Variants in TENM2 observed in about 807,000 individuals in gnomAD.
TENM2 encodes teneurin transmembrane protein 2.
TENM2 carries 52 observed loss-of-function variants against 245.2 expected under a neutral mutation model. The observed-to-expected ratio is 0.21, with a 90% CI of 0.17 to 0.27. The LOEUF is 0.27. TENM2 is among the 10% of genes least tolerant of loss of function. TENM2 has a pLI of 1.00. For synonymous variants in TENM2, 1,363 were observed against 1,438.9 expected, an observed-to-expected ratio of 0.95 and a Z score of 1.19; for missense variants, 3,046 against 3,666.8, an observed-to-expected ratio of 0.83 and a Z score of 4.37.
At chr5:167,788,636 A>G (rs576224585) in intron 2 of TENM2, among the ~76,000 whole-genome samples, 60 of 152,314 alleles carry the variant, frequency 3.9e-4, no homozygotes, top group African/African-American at 1.3e-3. Flanking sequence ...TTTCTTATAG[A>G]TCATGTATTA....
chr5:167,585,085 A>G (rs1256570125), intron 2 of TENM2, among the ~76,000 whole-genome samples: 2 of 152,164 alleles, frequency 1.3e-5, no homozygotes, highest in Non-Finnish European at 2.9e-5. Flanking sequence ...AAGACCACAA[A>G]TCATTAACCT....
chr5:167,753,260 T>A (rs991946833), intron 2 of TENM2, among the ~76,000 whole-genome samples: 1 of 152,180 alleles, frequency 6.6e-6, no homozygotes, highest in Non-Finnish European at 1.5e-5. Context: ...AGGGTTGGTC[T>A]GAAGGAGATT....
intron 5 of TENM2, among the ~76,000 whole-genome samples, chr5:168,020,984 A>G (rs1786092609): frequency 6.6e-6 from 1 of 152,240 alleles, no homozygotes; most frequent in Non-Finnish European, 1.5e-5. Flanking sequence ...TTCAACTTTT[A>G]TATGCTCAGA....
intron 4 of TENM2, among the ~76,000 whole-genome samples, chr5:167,969,345 C>T (rs989618946): frequency 6.6e-6 from 1 of 152,178 alleles, no homozygotes; most frequent in Non-Finnish European, 1.5e-5. Context: ...TACACAAGCA[C>T]TCTCTTTGCC....
At chr5:167,968,932 C>G (rs753475842) in intron 4 of TENM2, among the ~76,000 whole-genome samples, 4 of 152,150 alleles carry the variant, frequency 2.6e-5, no homozygotes, top group Non-Finnish European at 5.9e-5. Flanking sequence ...TGTTCTTGTA[C>G]TCAGTCATCT....
intron 4 of TENM2, among the ~76,000 whole-genome samples, chr5:167,989,697 G>A (rs1247456196): frequency 6.6e-6 from 1 of 152,122 alleles, no homozygotes; most frequent in East Asian, 1.9e-4. Context: ...CGGGGTTGGT[G>A]GGTAAGGTTT....
At chr5:167,958,733 T>C (rs1368571290) in intron 4 of TENM2, among the ~76,000 whole-genome samples, 1 of 152,226 alleles carries the variant, frequency 6.6e-6, no homozygotes, top group African/African-American at 2.4e-5. Context: ...TCTCCTTTGC[T>C]TATGAAGCTT....
At chr5:167,526,545 ATTTG>A (rs1254803670) in intron 2 of TENM2, among the ~76,000 whole-genome samples, 2 of 151,908 alleles carry the variant, frequency 1.3e-5, no homozygotes, top group Admixed American at 6.6e-5. Context: ...TTGAAGTGCA[ATTTG>A]TTTGTTTTTT....
At chr5:167,189,192 A>G in the TENM2 span, among the ~76,000 whole-genome samples, 2 of 152,198 alleles carry the variant, frequency 1.3e-5, no homozygotes, top group African/African-American at 4.8e-5. Flanking sequence ...ACTGATGACT[A>G]CTAGCCAGAA....
the TENM2 span, among the ~76,000 whole-genome samples, chr5:167,059,373 C>G: frequency 6.6e-6 from 1 of 152,050 alleles, no homozygotes; most frequent in African/African-American, 2.4e-5. Context: ...TCCTATTCAC[C>G]CATATAAACC....
intron 25 of TENM2, among the ~76,000 whole-genome samples, chr5:168,236,249 G>C (rs1035047575): frequency 2.0e-5 from 3 of 152,168 alleles, no homozygotes; most frequent in Non-Finnish European, 2.9e-5. Flanking sequence ...TGAAAGTTCA[G>C]GTCAAAGGAT....
chr5:167,510,875 T>C (rs1769903700), intron 2 of TENM2, among the ~76,000 whole-genome samples: 1 of 152,162 alleles, frequency 6.6e-6, no homozygotes, highest in South Asian at 2.1e-4. Context: ...AACACAGATA[T>C]TAAATCATAG....
At chr5:167,864,040 G>A (rs745466499) in intron 2 of TENM2, among the ~76,000 whole-genome samples, 9 of 152,080 alleles carry the variant, frequency 5.9e-5, no homozygotes, top group Non-Finnish European at 1.2e-4. Flanking sequence ...CTACTGGTGG[G>A]TAGACTCCCA....
chr5:168,233,814 C>A (rs1317895261), intron 25 of TENM2, among the ~76,000 whole-genome samples: 1 of 152,164 alleles, frequency 6.6e-6, no homozygotes, highest in East Asian at 1.9e-4. Context: ...AAAGGCACTT[C>A]TTACTTGACG....
chr5:166,994,791 TTGTCTGGCCAATATGGAAC>T, the TENM2 span, among the ~76,000 whole-genome samples: 2 of 152,192 alleles, frequency 1.3e-5, no homozygotes, highest in African/African-American at 4.8e-5. Context: ...GCCACCCTGC[TTGTCTGGCCAATATGGAAC>T]TGTCTGAGAT....
At position 167,894,950 on chromosome 5, in the gene TENM2, GAA is replaced by G. The variant is rs1775065522; in HGVS notation, c.712+18756_712+18757del. ...GGAAGGAAGGAAGGAAGGAAGGAAG[GAA>G]GGAAGGAAGGAAGGAAGGAAGGAAG... On this transcript the variant is annotated intron_variant, in intron 3 of 28. Transcript: ENST00000518659. Among the ~76,000 whole-genome samples the G allele has an allele frequency of 4.3e-5, 5 of 116,242 alleles. No individual in the cohort carries two copies. In the Admixed American group the frequency reaches 4.8e-4, roughly 11 times the overall value. 76.3% of individuals were successfully genotyped at this position (116,242 alleles called of 152,430 possible). A position where few individuals can be genotyped will look rare whatever the true frequency, so the allele number is the denominator to read the frequency against.
intron 2 of TENM2, among the ~76,000 whole-genome samples, chr5:167,477,215 G>A (rs1281550411): frequency 1.4e-5 from 2 of 144,658 alleles, no homozygotes; most frequent in Non-Finnish European, 3.0e-5. Context: ...TTCGCCAAAA[G>A]CATTTTTCAG....
intron 12 of TENM2, among the ~76,000 whole-genome samples, chr5:168,132,627 A>G (rs186657283): frequency 4.6e-5 from 7 of 152,288 alleles, no homozygotes; most frequent in African/African-American, 1.7e-4. Flanking sequence ...TCCTGACTTC[A>G]CCAGAGCAAA....
chr5:167,103,860 G>A, the TENM2 span, among the ~76,000 whole-genome samples: 2 of 151,636 alleles, frequency 1.3e-5, no homozygotes, highest in East Asian at 3.9e-4. Flanking sequence ...AAAAAAATGA[G>A]TTTACCCACA....
Sources: allele counts gnomAD v4.1 joint callset (sites outside exome capture counted in the v4.1 genomes callset), GRCh38; gene constraint gnomAD v4.1.1; transcripts MANE v1.5; gene names NCBI Gene and HGNC (gene_info 2026-07-23, HGNC 2026-07-21).